FHIT: variants seen among roughly 807,000 people sequenced by gnomAD.
FHIT encodes fragile histidine triad diadenosine triphosphatase, also known as bis(5'-adenosyl)-triphosphatase.
In FHIT, 19 loss-of-function variants were observed where a neutral mutation model predicts 17.9. The observed-to-expected ratio is 1.06, with a 90% confidence interval of 0.74 to 1.56. FHIT has a LOEUF of 1.56. Ranked by LOEUF, FHIT falls within the 40% of genes most tolerant of loss-of-function variation. The pLI, the probability that FHIT is intolerant of heterozygous loss-of-function variation, is 0.00. For missense variants in FHIT, 248 were observed against 189.2 expected, an observed-to-expected ratio of 1.31 and a Z score of -1.82; for synonymous variants, 81 against 69.7, an observed-to-expected ratio of 1.16 and a Z score of -0.81.
chr3:60,630,677 A>T (rs1553682183), intron 4 of FHIT, among the ~76,000 whole-genome samples: 2 of 151,872 alleles, frequency 1.3e-5, no homozygotes, highest in Non-Finnish European at 2.9e-5. Context: ...CTGCCCATCC[A>T]CTCAACACTT....
intron 7 of FHIT, among the ~76,000 whole-genome samples, chr3:59,940,962 C>T (rs1470141724): frequency 6.6e-6 from 1 of 152,114 alleles, no homozygotes; most frequent in African/African-American, 2.4e-5. Flanking sequence ...TTAAAATCTG[C>T]ATTTATTCAC....
chr3:60,944,955 C>A, intron 3 of FHIT, among the ~76,000 whole-genome samples: 1 of 152,126 alleles, frequency 6.6e-6, no homozygotes, highest in East Asian at 1.9e-4. Context: ...ATAAGATAGT[C>A]AACTCTCCAG....
chr3:60,311,113 T>C (rs377543822), intron 5 of FHIT, among the ~76,000 whole-genome samples: 1 of 152,168 alleles, frequency 6.6e-6, no homozygotes, highest in African/African-American at 2.4e-5. Flanking sequence ...CATCTTCCCC[T>C]CTTTAATATA....
intron 5 of FHIT, among the ~76,000 whole-genome samples, chr3:60,103,002 A>C (rs1402890961): frequency 6.6e-6 from 1 of 152,192 alleles, no homozygotes; most frequent in Non-Finnish European, 1.5e-5. Flanking sequence ...CACATGTGAC[A>C]ATGAATATTA....
chr3:61,077,701 C>A (rs1312247114), intron 2 of FHIT, among the ~76,000 whole-genome samples: 1 of 152,050 alleles, frequency 6.6e-6, no homozygotes, highest in Admixed American at 6.6e-5. Context: ...AAGCCTTTTT[C>A]AAAGTCCCTA....
chr3:60,823,640 G>T (rs75024528), intron 3 of FHIT, among the ~76,000 whole-genome samples: 84 of 152,286 alleles, frequency 5.5e-4, no homozygotes, highest in African/African-American at 1.8e-3. Flanking sequence ...CATGGCCCTG[G>T]TGACACTTTG....
chr3:60,293,996 C>A (rs924546767), intron 5 of FHIT, among the ~76,000 whole-genome samples: 5 of 152,068 alleles, frequency 3.3e-5, no homozygotes, highest in African/African-American at 1.2e-4. Context: ...AAAAAGCAAT[C>A]TCAGCAATAT....
At chr3:60,284,066 A>G (rs974149516) in intron 5 of FHIT, among the ~76,000 whole-genome samples, 2 of 152,126 alleles carry the variant, frequency 1.3e-5, no homozygotes, top group Non-Finnish European at 2.9e-5. Context: ...CTGGCATTTC[A>G]GAATCATAAA....
At chr3:61,176,348 G>A (rs1391019689) in intron 2 of FHIT, among the ~76,000 whole-genome samples, 1 of 152,250 alleles carries the variant, frequency 6.6e-6, no homozygotes, top group Non-Finnish European at 1.5e-5. Context: ...AAGGCTAGAT[G>A]TTGTTCTGCC....
intron 5 of FHIT, among the ~76,000 whole-genome samples, chr3:60,148,410 A>G (rs945672691): frequency 6.6e-6 from 1 of 152,246 alleles, no homozygotes; most frequent in Non-Finnish European, 1.5e-5. Flanking sequence ...GTGTGGGTAC[A>G]GTTTGGGAGA....
intron 3 of FHIT, among the ~76,000 whole-genome samples, chr3:61,036,901 G>GTTTTTTTT (rs746649804): frequency 5.1e-4 from 36 of 70,300 alleles, no homozygotes; most frequent in African/African-American, 9.9e-4. Flanking sequence ...AGTCTGCTTT[G>GTTTTTTTT]TTTTTTTTTT....
intron 4 of FHIT, among the ~76,000 whole-genome samples, chr3:60,706,474 G>C (rs1329214045): frequency 6.6e-6 from 1 of 152,180 alleles, no homozygotes; most frequent in African/African-American, 2.4e-5. Context: ...ATTCACAGTG[G>C]TGTTGAAAGA....
At chr3:60,244,451 T>A (rs1057342060) in intron 5 of FHIT, among the ~76,000 whole-genome samples, 2 of 152,126 alleles carry the variant, frequency 1.3e-5, no homozygotes, top group African/African-American at 4.8e-5. Flanking sequence ...ATTTAAGGAA[T>A]ACCTCTGAAT....
intron 3 of FHIT, among the ~76,000 whole-genome samples, chr3:60,902,973 C>T (rs1553763572): frequency 6.6e-6 from 1 of 152,110 alleles, no homozygotes; most frequent in Non-Finnish European, 1.5e-5. Flanking sequence ...CCAACTTTAC[C>T]ACTTACTACT....
rs569314790 is a variant in FHIT at position 60,862,758 on chromosome 3, A to G, written c.-110-40747T>C. Among the ~76,000 whole-genome samples, 15 of 152,020 alleles carry G rather than the reference A, an allele frequency of 9.9e-5. No homozygotes were observed. In the South Asian group the frequency reaches 3.1e-3, roughly 32 times the overall value. On this transcript the variant is annotated intron_variant, in intron 3 of 9. Transcript: ENST00000492590. ...TCCCAGCTACTTGGGAGGCTAAGGC[A>G]GCAGAATTGCTTGAACCCGGGAGGC... is the stretch of plus-strand genomic sequence containing the variant.
intron 5 of FHIT, among the ~76,000 whole-genome samples, chr3:60,244,197 T>A (rs999072521): frequency 6.6e-6 from 1 of 152,090 alleles, no homozygotes; most frequent in Non-Finnish European, 1.5e-5. Context: ...TTCATTCTAA[T>A]GTTCAATACT....
intron 7 of FHIT, among the ~76,000 whole-genome samples, chr3:59,966,853 C>T (rs532820874): frequency 1.3e-5 from 2 of 152,166 alleles, no homozygotes; most frequent in African/African-American, 4.8e-5. Flanking sequence ...CTAAATGAAT[C>T]TTCTAAATTT....
chr3:60,568,920 A>G (rs2037239080), intron 4 of FHIT, among the ~76,000 whole-genome samples: 1 of 152,190 alleles, frequency 6.6e-6, no homozygotes, highest in African/African-American at 2.4e-5. Flanking sequence ...TTGGGGACTT[A>G]AACTTTGAAT....
rs190841503 is a variant in FHIT, at chr3:60,639,149, G to C, written c.-17-102170C>G. 2.0e-5 allele frequency among the ~76,000 whole-genome samples: 3 copies of C among 150,788 alleles called. No individual in the cohort carries two copies. In the East Asian group the frequency reaches 5.8e-4, roughly 29 times the overall value. On this transcript the variant is annotated intron_variant, in intron 4 of 9. Transcript: ENST00000492590. ...AACTTTGTGTCCTAAGGGCATTTGC[G>C]AATTTGCATCGTGAGGGAATAAACC...
Sources: allele counts gnomAD v4.1 joint callset (sites outside exome capture counted in the v4.1 genomes callset), GRCh38; gene constraint gnomAD v4.1.1; transcripts MANE v1.5; gene names NCBI Gene and HGNC (gene_info 2026-07-23, HGNC 2026-07-21).